The following PALS1 variants were observed in gnomAD, a reference collection of about 807,000 sequenced individuals.
PALS1 encodes protein PALS1.
A neutral mutation model predicts 78.9 loss-of-function variants in PALS1; 31 were observed. The ratio of observed to expected loss-of-function variants is 0.39; its 90% confidence interval spans 0.30 to 0.53. PALS1 has a LOEUF of 0.53. Among genes scored for constraint, PALS1 ranks in the 20% least tolerant of loss-of-function variants. The probability of loss-of-function intolerance (pLI) is 0.67; values close to 1 mark genes in which losing one functional copy is unlikely to be tolerated. For missense variants in PALS1, 704 were observed against 826.5 expected, an observed-to-expected ratio of 0.85 and a Z score of 1.82; for synonymous variants, 276 against 270.9, an observed-to-expected ratio of 1.02 and a Z score of -0.18.
chr14:67,323,335 A>C (rs570689497), intron 13 of PALS1, among the ~76,000 whole-genome samples: 29 of 151,654 alleles, frequency 1.9e-4, no homozygotes, highest in African/African-American at 7.0e-4. Context: ...GAATTGGGCC[A>C]GGTGCAGTGG....
chr14:67,329,505 C>A (rs1223750866), intron 14 of PALS1, among the ~76,000 whole-genome samples: 3 of 152,134 alleles, frequency 2.0e-5, no homozygotes, highest in Non-Finnish European at 4.4e-5. Context: ...CCAGAACTTC[C>A]AACACTGTGT....
chr14:67,291,068 CA>C (rs2084764584), intron 3 of PALS1, among the ~76,000 whole-genome samples: 2 of 151,994 alleles, frequency 1.3e-5, no homozygotes, highest in African/African-American at 2.4e-5. Flanking sequence ...ACAGGAAAAG[CA>C]GGGGGGTCGG....
Position 67,335,786 on chromosome 14 carries a change from A to G in PALS1, c.*2830A>G, listed in dbSNP as rs976311194. The G allele has an allele frequency of 6.6e-6, 1 of 152,560 alleles. No individual in the cohort carries two copies. The highest frequency in any genetic ancestry group is 2.4e-5 in the African/African-American group (1 of 41,380). 9.5% of individuals were successfully genotyped at this position (152,560 alleles called of 1,614,324 possible). A position where few individuals can be genotyped will look rare whatever the true frequency, so the allele number is the denominator to read the frequency against. ...TACTGTACACTGTATTGTAAAAATAAAAAGTAAAATTATATTTCAAATTTT... is the reference window on the plus strand; with the variant it reads ...TACTGTACACTGTATTGTAAAAATAGAAAGTAAAATTATATTTCAAATTTT... On this transcript the variant is annotated 3_prime_UTR_variant, in exon 15 of 15. Coordinates refer to ENST00000261681, the MANE Select transcript of PALS1 (RefSeq NM_022474.4).
At chr14:67,329,435 C>T (rs28866617) in intron 14 of PALS1, among the ~76,000 whole-genome samples, 23,628 of 152,092 alleles carry the variant, frequency 0.16, 3,469 homozygotes, top group East Asian at 0.42. Context: ...AGGGATAATT[C>T]GACTTCCTCT....
At chr14:67,310,664 CTT>C (rs2085074941) in intron 8 of PALS1, among the ~76,000 whole-genome samples, 1 of 152,058 alleles carries the variant, frequency 6.6e-6, no homozygotes, top group Admixed American at 6.5e-5. Context: ...AGCTGTTTAA[CTT>C]TTATATCTTT....
intron 4 of PALS1, chr14:67,295,049 G>T (rs954385389): frequency 6.6e-6 from 1 of 152,096 alleles, no homozygotes; most frequent in African/African-American, 2.4e-5. Context: ...ACCTTTAAGA[G>T]AGTAAAAATG....
chr14:67,334,896 A>G lies in PALS1; in HGVS notation c.*1940A>G, dbSNP rs2141079191. ...ACAATGGAGTTTTGTGATCCTGCTTATTGTAACTGACAACTGTTTTCAACT... is the reference window on the plus strand; with the variant it reads ...ACAATGGAGTTTTGTGATCCTGCTTGTTGTAACTGACAACTGTTTTCAACT... On this transcript the variant is annotated 3_prime_UTR_variant, in exon 15 of 15. Transcript: ENST00000261681. 6.6e-6 allele frequency: 1 copy of G among 152,350 alleles called. No homozygotes were observed. Among genetic ancestry groups the G allele is most frequent in the South Asian group, 2.1e-4 (1 of 4,828 alleles). The allele number at this position is 152,350 out of a possible 1,614,324, so 9.4% of individuals were successfully genotyped here.
At chr14:67,318,258 T>C (rs1263098994) in intron 11 of PALS1, among the ~76,000 whole-genome samples, 1 of 152,218 alleles carries the variant, frequency 6.6e-6, no homozygotes, top group East Asian at 1.9e-4. Context: ...CTAATAAAGA[T>C]AAAACATTAT....
chr14:67,255,383 T>A (rs2084130920), intron 1 of PALS1, among the ~76,000 whole-genome samples: 1 of 152,194 alleles, frequency 6.6e-6, no homozygotes, highest in African/African-American at 2.4e-5. Flanking sequence ...CCTGACATAT[T>A]TGAAAGTGTT....
Position 67,302,526 on chromosome 14 carries a change from C to T in PALS1, c.918C>T (p.Gly306=), listed in dbSNP as rs766792463. 1.0e-5 allele frequency: 16 copies of T among 1,587,368 alleles called. No homozygotes were observed. The South Asian group carries it at 1.7e-4, about 17-fold the overall frequency. The change falls in exon 7 of 15, where the codon GGC becomes GGT. Residue 306 remains glycine (G), a synonymous_variant. Transcript: ENST00000261681. ...GAGATGAAGTTCTAGAGATTAATGG[C>T]ATTGAAATTCGGGGGAAAGATGTCA... ...HEGDEVLEIN[G]IEIRGKDVNE... is the part of the protein sequence containing the mutation.
chr14:67,304,957 A>G (rs894646844), intron 8 of PALS1, among the ~76,000 whole-genome samples: 6 of 152,194 alleles, frequency 3.9e-5, no homozygotes, highest in Non-Finnish European at 7.3e-5. Flanking sequence ...TAGTTTGGCT[A>G]TCATTCCATG....
chr14:67,295,049 G>A (rs954385389), intron 4 of PALS1: 1 of 152,096 alleles, frequency 6.6e-6, no homozygotes, highest in Non-Finnish European at 1.5e-5. Flanking sequence ...ACCTTTAAGA[G>A]AGTAAAAATG....
In PALS1 at chr14:67,317,401, T is replaced by C. The variant is rs2085193213; in HGVS notation, c.1298-7T>C. ...CATTTATAGTTATGTTTATGATTGC[T>C]CAACAGGAAAACTGTGGTGTGCAAA... is the stretch of plus-strand genomic sequence containing the variant. On this transcript the variant is annotated splice_region_variant and splice_polypyrimidine_tract_variant and intron_variant, in intron 10 of 14. Coordinates refer to ENST00000261681, the MANE Select transcript of PALS1 (RefSeq NM_022474.4). 3.1e-6 allele frequency: 5 copies of C among 1,607,634 alleles called. No homozygotes were observed. The highest frequency in any genetic ancestry group is 4.2e-6 in the Non-Finnish European group (5 of 1,176,682).
intron 3 of PALS1, among the ~76,000 whole-genome samples, chr14:67,282,121 G>A (rs1218982424): frequency 1.3e-5 from 2 of 152,072 alleles, no homozygotes; most frequent in African/African-American, 4.8e-5. Context: ...ATTAGCATAA[G>A]GTATAGTTTG....
intron 3 of PALS1, among the ~76,000 whole-genome samples, chr14:67,287,195 G>A (rs1017228565): frequency 6.6e-6 from 1 of 151,932 alleles, no homozygotes; most frequent in African/African-American, 2.4e-5. Context: ...CTCTAGCCAG[G>A]GTGACAGAGC....
In PALS1 at chr14:67,335,829, T is replaced by G. The variant is rs373029903; in HGVS notation, c.*2873T>G. On this transcript the variant is annotated 3_prime_UTR_variant, in exon 15 of 15. Transcript: ENST00000261681. ...CAAATTTTAAAAGCCACTAAGCAAT[T>G]TCTCTTGCTATTTGCTCGGCCACTC... The G allele has an allele frequency of 1.8e-4, 27 of 152,414 alleles. 1 individual carries two copies. The East Asian group carries it at 4.0e-3, about 23-fold the overall frequency. The allele number at this position is 152,414 out of a possible 1,614,324, so 9.4% of individuals were successfully genotyped here.
rs980966241 is a variant in PALS1, at chr14:67,315,649, T to C, written c.1226-1183T>C. Among the ~76,000 whole-genome samples, 8 of 152,232 alleles carry C rather than the reference T, an allele frequency of 5.3e-5. 1 individual carries two copies. The highest frequency in any genetic ancestry group is 1.4e-4 in the African/African-American group (6 of 41,466). The stretch of plus-strand genomic sequence containing the variant: ...TGTACTAAGAATACAGTCTTGGCCG[T>C]GCACAGTGGCTCATGCCCCTAATCC... On this transcript the variant is annotated intron_variant, in intron 9 of 14. Coordinates refer to ENST00000261681, the MANE Select transcript of PALS1 (RefSeq NM_022474.4).
intron 2 of PALS1, among the ~76,000 whole-genome samples, chr14:67,274,525 C>T (rs1260402159): frequency 6.6e-6 from 1 of 152,058 alleles, no homozygotes. Context: ...GTTACTGTAA[C>T]CTTGTAGTAT....
At chr14:67,255,143 A>C (rs562035524) in intron 1 of PALS1, among the ~76,000 whole-genome samples, 12 of 152,106 alleles carry the variant, frequency 7.9e-5, no homozygotes, top group African/African-American at 2.9e-4. Flanking sequence ...GCGAGACTCC[A>C]TCTCTCAAAA....
Sources: gnomAD v4.1 joint callset for allele counts (sites outside exome capture counted in the v4.1 genomes callset) on GRCh38, gnomAD v4.1.1 for gene constraint, MANE v1.5 for transcripts, NCBI Gene and HGNC (gene_info 2026-07-23, HGNC 2026-07-21) for gene names.